Variants in ADAMTSL1 observed in about 807,000 individuals in gnomAD.
The protein encoded by ADAMTSL1 is ADAMTS-like protein 1.
ADAMTSL1 carries 126 observed loss-of-function variants against 201.8 expected under a neutral mutation model. That is an observed-to-expected ratio of 0.62 (90% CI 0.54 to 0.72). The LOEUF (loss-of-function observed/expected upper bound fraction) is 0.72, where lower values mean the gene tolerates loss of function less well. ADAMTSL1 is among the 30% of genes least tolerant of loss of function. The probability of loss-of-function intolerance (pLI) is 0.00; values close to 1 mark genes in which losing one functional copy is unlikely to be tolerated. For missense variants in ADAMTSL1, 2,679 were observed against 2,277.8 expected, an observed-to-expected ratio of 1.18 and a Z score of -3.59; for synonymous variants, 1,121 against 903.4, an observed-to-expected ratio of 1.24 and a Z score of -4.32.
In ADAMTSL1 at chr9:18,528,320, T is replaced by C. The variant is rs148539583; in HGVS notation, c.192-4927T>C. Among the ~76,000 whole-genome samples, 981 of 152,266 alleles carry C rather than the reference T, an allele frequency of 6.4e-3. 11 individuals carry two copies. The highest frequency in any genetic ancestry group is 0.022 in the African/African-American group (932 of 41,550). ...ACCTAGGTATTGAGCCCAGCATTCATTAGCTATTCTTTCTGGTACTCTCCC... is the reference window on the plus strand; with the variant it reads ...ACCTAGGTATTGAGCCCAGCATTCACTAGCTATTCTTTCTGGTACTCTCCC... On this transcript the variant is annotated intron_variant, in intron 2 of 28. Coordinates refer to ENST00000380548, the MANE Select transcript of ADAMTSL1 (RefSeq NM_001040272.6).
intron 2 of ADAMTSL1, among the ~76,000 whole-genome samples, chr9:18,245,764 C>G (rs1831239303): frequency 6.6e-6 from 1 of 151,032 alleles, no homozygotes; most frequent in South Asian, 2.1e-4. Context: ...TCTAAATTTT[C>G]TACTCAGAAT....
At position 18,906,013 on chromosome 9, in the gene ADAMTSL1, A is replaced by G. The variant is rs192751343; in HGVS notation, c.4961+122A>G. The G allele has an allele frequency of 3.4e-4, 291 of 855,446 alleles. 2 individuals are homozygous for G. In the African/African-American group the frequency reaches 4.1e-3, roughly 12 times the overall value. 53.0% of individuals were successfully genotyped at this position (855,446 alleles called of 1,614,324 possible). On this transcript the variant is annotated intron_variant, in intron 27 of 28. Coordinates refer to ENST00000380548, the MANE Select transcript of ADAMTSL1 (RefSeq NM_001040272.6). ...AGTCCCAAGCCCTGCCTGGGACTCC[A>G]TCTCCATTCACCGCAAGCCACTGGC...
At chr9:18,657,800 C>G in intron 8 of ADAMTSL1, 50 bp downstream of exon 8, 3 of 1,455,466 alleles carry the variant, frequency 2.1e-6, no homozygotes, top group Non-Finnish European at 2.9e-6. Flanking sequence ...TGAGGAAATA[C>G]TTGGGTATTA....
chr9:18,224,086 T>G (rs1462529328), intron 2 of ADAMTSL1, among the ~76,000 whole-genome samples: 3 of 152,176 alleles, frequency 2.0e-5, no homozygotes, highest in African/African-American at 7.2e-5. Flanking sequence ...GCCCAGTCCT[T>G]AGAAGCCAGA....
At chr9:18,011,691 T>G (rs778549175) in intron 1 of ADAMTSL1, among the ~76,000 whole-genome samples, 1 of 151,852 alleles carries the variant, frequency 6.6e-6, no homozygotes, top group Non-Finnish European at 1.5e-5. Flanking sequence ...CTCAAAGGAG[T>G]GTCAAATATC....
intron 2 of ADAMTSL1, among the ~76,000 whole-genome samples, chr9:18,304,042 G>A (rs2132745511): frequency 6.6e-6 from 1 of 152,180 alleles, no homozygotes; most frequent in South Asian, 2.1e-4. Flanking sequence ...TGGCCTGTGG[G>A]GGATGTAAAT....
At chr9:18,068,080 G>A (rs1268387733) in intron 1 of ADAMTSL1, among the ~76,000 whole-genome samples, 1 of 152,176 alleles carries the variant, frequency 6.6e-6, no homozygotes, top group Non-Finnish European at 1.5e-5. Flanking sequence ...GTTTGGTCTG[G>A]TCCTGCCCGG....
intron 23 of ADAMTSL1, among the ~76,000 whole-genome samples, chr9:18,860,623 A>G (rs1316048928): frequency 1.3e-5 from 2 of 152,164 alleles, no homozygotes; most frequent in African/African-American, 2.4e-5. Flanking sequence ...TCAGATGGCA[A>G]TATGTAAACA....
At chr9:18,011,448 C>A (rs1820045848) in intron 1 of ADAMTSL1, among the ~76,000 whole-genome samples, 2 of 151,970 alleles carry the variant, frequency 1.3e-5, no homozygotes, top group Non-Finnish European at 2.9e-5. Flanking sequence ...GTCACACACT[C>A]ATGCCTAGGA....
At chr9:18,639,664 C>G (rs1827325173) in intron 7 of ADAMTSL1, among the ~76,000 whole-genome samples, 3 of 151,886 alleles carry the variant, frequency 2.0e-5, no homozygotes, top group African/African-American at 4.8e-5. Flanking sequence ...TAAAATAACC[C>G]CACCTAAGAG....
At chr9:18,460,879 A>G (rs985850600) in intron 2 of ADAMTSL1, among the ~76,000 whole-genome samples, 4 of 152,192 alleles carry the variant, frequency 2.6e-5, no homozygotes, top group African/African-American at 9.6e-5. Flanking sequence ...AAGGAGAATA[A>G]TAATAAGAAA....
intron 1 of ADAMTSL1, among the ~76,000 whole-genome samples, chr9:18,094,648 C>T (rs1824164714): frequency 6.6e-6 from 1 of 151,704 alleles, no homozygotes; most frequent in Non-Finnish European, 1.5e-5. Flanking sequence ...GCAACCTCCA[C>T]CTCCTGGGTT....
chr9:18,200,188 T>A (rs1251035625), intron 2 of ADAMTSL1, among the ~76,000 whole-genome samples: 1 of 151,984 alleles, frequency 6.6e-6, no homozygotes, highest in Non-Finnish European at 1.5e-5. Context: ...AATCCCAGCA[T>A]TTCGGGAGGC....
chr9:18,315,357 C>A (rs894455426), intron 2 of ADAMTSL1, among the ~76,000 whole-genome samples: 1 of 152,078 alleles, frequency 6.6e-6, no homozygotes, highest in Non-Finnish European at 1.5e-5. Context: ...AGCTGCCTGT[C>A]AGTCCCATGC....
chr9:18,288,299 C>G (rs572217151), intron 2 of ADAMTSL1, among the ~76,000 whole-genome samples: 1 of 152,136 alleles, frequency 6.6e-6, no homozygotes, highest in South Asian at 2.1e-4. Context: ...CAAGAAAGAA[C>G]CAAGTTGGGC....
intron 1 of ADAMTSL1, among the ~76,000 whole-genome samples, chr9:18,504,008 A>G (rs1297958695): frequency 7.5e-6 from 1 of 133,752 alleles, no homozygotes; most frequent in Non-Finnish European, 1.6e-5. Flanking sequence ...GTGTGTGTGC[A>G]GTAGCATGGT....
intron 2 of ADAMTSL1, among the ~76,000 whole-genome samples, chr9:18,359,834 C>CCCA (rs1563911507): frequency 8.6e-6 from 1 of 116,920 alleles, no homozygotes; most frequent in South Asian, 4.2e-4. Flanking sequence ...CCCGCCCCCC[C>CCCA]GCCCACACAA....
At chr9:18,459,390 G>A (rs1820726728) in intron 2 of ADAMTSL1, among the ~76,000 whole-genome samples, 1 of 152,098 alleles carries the variant, frequency 6.6e-6, no homozygotes, top group African/African-American at 2.4e-5. Context: ...TTACTAGCAT[G>A]GACCTAGACC....
intron 7 of ADAMTSL1, among the ~76,000 whole-genome samples, chr9:18,655,095 A>G (rs892893801): frequency 6.6e-6 from 1 of 152,236 alleles, no homozygotes; most frequent in African/African-American, 2.4e-5. Context: ...GGAAAATCCC[A>G]AAGCTCACAT....
Sources: allele counts gnomAD v4.1 joint callset (sites outside exome capture counted in the v4.1 genomes callset), GRCh38; gene constraint gnomAD v4.1.1; transcripts MANE v1.5; gene names NCBI Gene and HGNC (gene_info 2026-07-23, HGNC 2026-07-21).